Variants in CORO2B observed in about 807,000 individuals in gnomAD.
The protein encoded by CORO2B is coronin-2B.
CORO2B carries 26 observed loss-of-function variants against 58.8 expected under a neutral mutation model. The ratio of observed to expected loss-of-function variants is 0.44; its 90% CI spans 0.32 to 0.61. CORO2B has a LOEUF of 0.61. CORO2B is among the 20% of genes least tolerant of loss of function. The pLI is 0.04. For missense variants in CORO2B, 460 were observed against 645.1 expected (o/e 0.71, Z 3.11); for synonymous variants, 242 against 253.8 (o/e 0.95, Z 0.44).
chr15:68,590,775 G>A (rs1247193967), intron 1 of CORO2B, among the ~76,000 whole-genome samples: 1 of 152,182 alleles, frequency 6.6e-6, no homozygotes, highest in African/African-American at 2.4e-5. Flanking sequence ...AGGGGTTCCT[G>A]AGAGGCAAAT....
At chr15:68,642,594 C>T (rs929917998) in intron 1 of CORO2B, among the ~76,000 whole-genome samples, 2 of 152,216 alleles carry the variant, frequency 1.3e-5, no homozygotes, top group African/African-American at 2.4e-5. Flanking sequence ...CCCATGGCCT[C>T]CACGACTCAC....
intron 5 of CORO2B, among the ~76,000 whole-genome samples, 193 bp from the exon 6 acceptor site, chr15:68,713,732 G>C (rs1892970108): frequency 6.6e-6 from 1 of 152,132 alleles, no homozygotes; most frequent in African/African-American, 2.4e-5. Context: ...GGATCCACCT[G>C]GATAATCCAG....
At chr15:68,553,652 A>G in the CORO2B span, among the ~76,000 whole-genome samples, 1 of 152,356 alleles carries the variant, frequency 6.6e-6, no homozygotes, top group African/African-American at 2.4e-5. Flanking sequence ...GGCTTCTTGG[A>G]GGAGGTGATG....
At chr15:68,552,517 C>T in the CORO2B span, among the ~76,000 whole-genome samples, 33 of 152,072 alleles carry the variant, frequency 2.2e-4, no homozygotes, top group African/African-American at 8.0e-4. Flanking sequence ...CCAGCTTTAT[C>T]TGTTGCCTCG....
intron 1 of CORO2B, among the ~76,000 whole-genome samples, chr15:68,621,136 T>C (rs1393769151): frequency 6.6e-6 from 1 of 152,042 alleles, no homozygotes; most frequent in Non-Finnish European, 1.5e-5. Context: ...CCAGTGCAGG[T>C]GTAGGGACCC....
the CORO2B span, among the ~76,000 whole-genome samples, chr15:68,529,637 C>T: frequency 1.7e-3 from 260 of 152,168 alleles, 1 homozygote; most frequent in Middle Eastern, 3.4e-3. Context: ...TAAATCTTGT[C>T]GCAAATTTTT....
Position 68,726,222 on chromosome 15 carries a change from T to TC in CORO2B, c.*252dup. 2.1e-6 allele frequency: 1 copy of TC among 472,072 alleles called. No homozygotes were observed. 29.2% of individuals were successfully genotyped at this position (472,072 alleles called of 1,614,324 possible). A position where few individuals can be genotyped will look rare whatever the true frequency, so the allele number is the denominator to read the frequency against. ...TCCCTGCCACCCCAGGAGCCAGGCT[T>TC]CCCCTCAGCTGGGTGAAGACTACAG... On this transcript the variant is annotated 3_prime_UTR_variant, in exon 12 of 12. Coordinates refer to ENST00000261861, the MANE Select transcript of CORO2B (RefSeq NM_006091.5).
chr15:68,682,521 G>T (rs12440542), intron 2 of CORO2B, among the ~76,000 whole-genome samples: 1 of 151,912 alleles, frequency 6.6e-6, no homozygotes, highest in African/African-American at 2.4e-5. Flanking sequence ...TCACATGGCC[G>T]CAGATTGACA....
intron 3 of CORO2B, among the ~76,000 whole-genome samples, chr15:68,704,151 GA>G (rs1892729106): frequency 6.6e-6 from 1 of 151,196 alleles, no homozygotes; most frequent in Non-Finnish European, 1.5e-5. Context: ...GAGGTGGGAG[GA>G]TGGCTTGATC....
intron 1 of CORO2B, among the ~76,000 whole-genome samples, chr15:68,632,957 A>C (rs1900892893): frequency 6.6e-6 from 1 of 152,200 alleles, no homozygotes; most frequent in Non-Finnish European, 1.5e-5. Context: ...ACAGTGCACT[A>C]ACATTATTTT....
At chr15:68,524,530 G>A in the CORO2B span, among the ~76,000 whole-genome samples, 31 of 152,210 alleles carry the variant, frequency 2.0e-4, no homozygotes, top group African/African-American at 7.2e-4. Flanking sequence ...TTTTAAAAGC[G>A]CCATGCTAAG....
chr15:68,532,475 T>G, the CORO2B span, among the ~76,000 whole-genome samples: 1 of 152,180 alleles, frequency 6.6e-6, no homozygotes. Flanking sequence ...TTGTCTCTAG[T>G]AATTTTAGGT....
chr15:68,639,015 T>C (rs891330961), intron 1 of CORO2B, among the ~76,000 whole-genome samples: 12 of 152,170 alleles, frequency 7.9e-5, no homozygotes, highest in Admixed American at 2.6e-4. Context: ...GAGACAGGGC[T>C]GCGTGACCAG....
At chr15:68,565,421 C>T in the CORO2B span, among the ~76,000 whole-genome samples, 2 of 151,392 alleles carry the variant, frequency 1.3e-5, no homozygotes, top group African/African-American at 4.9e-5. Flanking sequence ...ATGTTGCCTG[C>T]CCCCTCCCCT....
chr15:68,710,576 C>A lies in CORO2B; in HGVS notation c.334-156C>A, dbSNP rs990435528. 3.3e-5 allele frequency among the ~76,000 whole-genome samples: 5 copies of A among 152,230 alleles called. No homozygotes were observed. The highest frequency in any genetic ancestry group is 7.3e-5 in the Non-Finnish European group (5 of 68,038). Reference sequence around the variant, plus strand: ...TCTCCAGCCACACCCTGAGACCTCCCAGCAGGCCTCAGTCGAGCTTTGCCC... The same window carrying A: ...TCTCCAGCCACACCCTGAGACCTCCAAGCAGGCCTCAGTCGAGCTTTGCCC... On this transcript the variant is annotated intron_variant, in intron 3 of 11. Transcript: ENST00000261861. The surrounding 1 kb of genome is among the most constrained non-coding windows in gnomAD (Gnocchi z 4.1).
At chr15:68,534,747 G>A in the CORO2B span, among the ~76,000 whole-genome samples, 175 of 152,296 alleles carry the variant, frequency 1.1e-3, 3 homozygotes, top group East Asian at 0.031. Context: ...TTTTCATGCT[G>A]CTGATAAAGA....
At chr15:68,587,933 C>A (rs892867246) in intron 1 of CORO2B, among the ~76,000 whole-genome samples, 2 of 152,156 alleles carry the variant, frequency 1.3e-5, no homozygotes, top group Non-Finnish European at 2.9e-5. Context: ...GACCTGGAGG[C>A]AGAAGACCCA....
chr15:68,603,698 G>A (rs1211155417), intron 1 of CORO2B, among the ~76,000 whole-genome samples: 1 of 152,120 alleles, frequency 6.6e-6, no homozygotes, highest in East Asian at 1.9e-4. Flanking sequence ...CTGCACAGAG[G>A]ACACAGCAAG....
At chr15:68,530,436 T>C in the CORO2B span, among the ~76,000 whole-genome samples, 35 of 152,154 alleles carry the variant, frequency 2.3e-4, 1 homozygote, top group Non-Finnish European at 2.9e-5. Context: ...ATAATATGTA[T>C]TCTTTTGGTG....
Sources: allele counts gnomAD v4.1 joint callset (sites outside exome capture counted in the v4.1 genomes callset), GRCh38; gene constraint gnomAD v4.1.1; non-coding constraint Gnocchi (gnomAD v3.1); transcripts MANE v1.5; gene names NCBI Gene and HGNC (gene_info 2026-07-23, HGNC 2026-07-21).